The following ZNF521 variants were observed in gnomAD, a reference collection of about 807,000 sequenced individuals.
ZNF521 encodes the protein LYST-interacting protein 3.
A neutral mutation model predicts 105.5 loss-of-function variants in ZNF521; 14 were observed. The observed-to-expected ratio is 0.13, with a 90% CI of 0.09 to 0.21. ZNF521 has a LOEUF of 0.21. Among genes scored for constraint, ZNF521 ranks in the 10% least tolerant of loss-of-function variants. The pLI, the probability that ZNF521 is intolerant of heterozygous loss-of-function variation, is 1.00. For missense variants in ZNF521, 1,233 were observed against 1,629.7 expected (o/e 0.76, Z 4.19); for synonymous variants, 635 against 606.0 (o/e 1.05, Z -0.70).
intron 5 of ZNF521, among the ~76,000 whole-genome samples, chr18:25,093,151 C>T (rs1298787468): frequency 2.0e-5 from 3 of 152,030 alleles, no homozygotes; most frequent in Non-Finnish European, 4.4e-5. Context: ...TAACTTTGCT[C>T]TGAGTCACAA....
chr18:25,245,487 G>A (rs940770642), intron 3 of ZNF521, among the ~76,000 whole-genome samples: 4 of 152,180 alleles, frequency 2.6e-5, no homozygotes, highest in African/African-American at 7.2e-5. Context: ...TTGCAGCTAG[G>A]TGGATGATGC....
intron 2 of ZNF521, among the ~76,000 whole-genome samples, chr18:25,348,753 G>T (rs1051106506): frequency 1.3e-5 from 2 of 152,150 alleles, no homozygotes; most frequent in African/African-American, 4.8e-5. Flanking sequence ...GACGATAAAA[G>T]AATAAAATGT....
intron 3 of ZNF521, among the ~76,000 whole-genome samples, chr18:25,237,062 A>G (rs1600194104): frequency 2.0e-5 from 3 of 152,200 alleles, no homozygotes; most frequent in Admixed American, 6.5e-5. Context: ...TAGAATCTCT[A>G]CCTTAGAATG....
chr18:25,241,027 C>T (rs1907291728), intron 3 of ZNF521, among the ~76,000 whole-genome samples: 1 of 150,818 alleles, frequency 6.6e-6, no homozygotes, highest in Non-Finnish European at 1.5e-5. Context: ...GGTAAAAGTG[C>T]AATATGTAAA....
At chr18:25,287,167 C>T (rs1283130521) in intron 3 of ZNF521, among the ~76,000 whole-genome samples, 4 of 152,134 alleles carry the variant, frequency 2.6e-5, no homozygotes, top group African/African-American at 9.7e-5. Flanking sequence ...AAAAACGTGG[C>T]CTCAAGAAAC....
intron 3 of ZNF521, among the ~76,000 whole-genome samples, chr18:25,277,081 G>C (rs1910077920): frequency 6.6e-6 from 1 of 151,876 alleles, no homozygotes; most frequent in Non-Finnish European, 1.5e-5. Flanking sequence ...TATTCAAGAG[G>C]CTGAGGCAGG....
At chr18:25,346,121 A>T (rs910250393) in intron 2 of ZNF521, among the ~76,000 whole-genome samples, 3 of 152,172 alleles carry the variant, frequency 2.0e-5, no homozygotes, top group Non-Finnish European at 2.9e-5. Context: ...GCAATTCTTA[A>T]AAGCAAAGCA....
chr18:25,092,981 G>C (rs2033778480), intron 5 of ZNF521, among the ~76,000 whole-genome samples: 1 of 152,028 alleles, frequency 6.6e-6, no homozygotes. Flanking sequence ...AAAAACCAGG[G>C]GCACTAGAGC....
At chr18:25,154,599 A>G (rs2035108984) in intron 5 of ZNF521, among the ~76,000 whole-genome samples, 1 of 152,158 alleles carries the variant, frequency 6.6e-6, no homozygotes, top group African/African-American at 2.4e-5. Flanking sequence ...ATTAGCCTTC[A>G]ATACCCTGAA....
At chr18:25,218,904 A>C (rs1352656263) in intron 4 of ZNF521, among the ~76,000 whole-genome samples, 1 of 152,040 alleles carries the variant, frequency 6.6e-6, no homozygotes, top group East Asian at 1.9e-4. Context: ...TGAACTGCAT[A>C]GGTCCACTTA....
chr18:25,087,358 C>A (rs1338343436), intron 7 of ZNF521, among the ~76,000 whole-genome samples: 2 of 152,202 alleles, frequency 1.3e-5, no homozygotes, highest in Non-Finnish European at 2.9e-5. Flanking sequence ...TTTGTCTGCT[C>A]TACAATGGGT....
At chr18:25,081,718 T>C (rs1406966750) in intron 7 of ZNF521, among the ~76,000 whole-genome samples, 3 of 152,214 alleles carry the variant, frequency 2.0e-5, no homozygotes, top group Non-Finnish European at 4.4e-5. Flanking sequence ...GCTTAATTTC[T>C]AGATGCAATT....
chr18:25,162,479 A>G (rs1382744062), intron 5 of ZNF521, among the ~76,000 whole-genome samples: 4 of 152,248 alleles, frequency 2.6e-5, no homozygotes, highest in African/African-American at 9.6e-5. Context: ...ACACAAAATT[A>G]TCATCTAAGT....
intron 3 of ZNF521, among the ~76,000 whole-genome samples, chr18:25,253,503 T>C (rs1908256752): frequency 6.6e-6 from 1 of 152,178 alleles, no homozygotes; most frequent in South Asian, 2.1e-4. Context: ...AACTTGAATA[T>C]ATTTATTCTA....
chr18:25,212,508 T>TCAAAA (rs2036199568), intron 4 of ZNF521, among the ~76,000 whole-genome samples: 1 of 11,486 alleles, frequency 8.7e-5, no homozygotes, highest in African/African-American at 4.0e-4. Context: ...AGACTTAGTC[T>TCAAAA]CAAAAAAAAA....
At chr18:25,161,725 A>G (rs1390510447) in intron 5 of ZNF521, among the ~76,000 whole-genome samples, 1 of 152,226 alleles carries the variant, frequency 6.6e-6, no homozygotes, top group Non-Finnish European at 1.5e-5. Flanking sequence ...CTTGCTGGTC[A>G]TTTGAGTTAA....
chr18:25,351,889 A>AGCAGCGGCG (rs896397497), intron 1 of ZNF521, 116 bp downstream of exon 1: 147 of 278,426 alleles, frequency 5.3e-4, no homozygotes, highest in Non-Finnish European at 4.8e-4. Flanking sequence ...CGGCGGCGGC[A>AGCAGCGGCG]GCAGCGGCGG....
intron 3 of ZNF521, among the ~76,000 whole-genome samples, chr18:25,296,728 G>T (rs989611093): frequency 5.3e-5 from 8 of 152,128 alleles, no homozygotes; most frequent in African/African-American, 1.7e-4. Context: ...GGCCTTCCTG[G>T]AAAATGGTGA....
intron 3 of ZNF521, among the ~76,000 whole-genome samples, chr18:25,262,225 G>T (rs1010992036): frequency 6.6e-6 from 1 of 152,020 alleles, no homozygotes; most frequent in Non-Finnish European, 1.5e-5. Context: ...GAAAATTATA[G>T]AGAACTGGTG....
Sources: allele counts gnomAD v4.1 joint callset (sites outside exome capture counted in the v4.1 genomes callset), GRCh38; gene constraint gnomAD v4.1.1; transcripts MANE v1.5; gene names NCBI Gene and HGNC (gene_info 2026-07-23, HGNC 2026-07-21).